SLF1: variants seen among roughly 807,000 people sequenced by gnomAD.
SLF1 encodes the protein SMC5-SMC6 complex localization factor protein 1.
Under a neutral mutation model 123.0 loss-of-function variants are expected in SLF1, and 105 were observed. The ratio of observed to expected loss-of-function variants is 0.85; its 90% CI spans 0.73 to 1.00. The LOEUF (loss-of-function observed/expected upper bound fraction) is 1.00, where lower values mean the gene tolerates loss of function less well. SLF1 is among the 50% of genes least tolerant of loss of function. The probability of loss-of-function intolerance (pLI) is 0.00; values close to 1 mark genes in which losing one functional copy is unlikely to be tolerated. For synonymous variants in SLF1, 434 were observed against 406.6 expected, an observed-to-expected ratio of 1.07 and a Z score of -0.81; for missense variants, 1,239 against 1,223.0, an observed-to-expected ratio of 1.01 and a Z score of -0.20.
intron 4 of SLF1, among the ~76,000 whole-genome samples, chr5:94,637,106 G>A (rs532852168): frequency 2.0e-5 from 3 of 152,256 alleles, no homozygotes; most frequent in African/African-American, 7.2e-5. Context: ...TTGGAGCTTT[G>A]TTAATTTCTT....
At position 94,639,037 on chromosome 5, in the gene SLF1, C is replaced by CTTTTTTTTTTTTTTTTTT. The variant is rs764031689; in HGVS notation, c.432-4232_432-4215dup. Among the ~76,000 whole-genome samples, 19 of 88,958 alleles carry CTTTTTTTTTTTTTTTTTT rather than the reference C, an allele frequency of 2.1e-4. 1 individual carries two copies. The highest frequency in any genetic ancestry group is 2.5e-4 in the African/African-American group (5 of 20,268). The allele number at this position is 88,958 out of a possible 152,430, so 58.4% of individuals were successfully genotyped here. A position where few individuals can be genotyped will look rare whatever the true frequency, so the allele number is the denominator to read the frequency against. On this transcript the variant is annotated intron_variant, in intron 4 of 20. Coordinates refer to ENST00000265140, the MANE Select transcript of SLF1 (RefSeq NM_032290.4). ...TTTCTCATCTCTTTTCTTTTCTTCC[C>CTTTTTTTTTTTTTTTTTT]TTTTTTTTTTTTTTTTTTTTTGAGA...
chr5:94,625,272 G>C (rs1441491415), intron 1 of SLF1, among the ~76,000 whole-genome samples: 1 of 151,654 alleles, frequency 6.6e-6, no homozygotes, highest in African/African-American at 2.4e-5. Context: ...AAACCAATTA[G>C]ATAAAAACAA....
At position 94,691,549 on chromosome 5, in the gene SLF1, A is replaced by G. The variant is rs1443103856; in HGVS notation, c.2420-15A>G. On this transcript the variant is annotated splice_polypyrimidine_tract_variant and intron_variant, in intron 18 of 20. Coordinates refer to ENST00000265140, the MANE Select transcript of SLF1 (RefSeq NM_032290.4). ...CTTGTCTTCTCTGGAATAATCTATTAATTTTTTATGGCAGGAGAAACAGCC... is the reference window on the plus strand; with the variant it reads ...CTTGTCTTCTCTGGAATAATCTATTGATTTTTTATGGCAGGAGAAACAGCC... 2 of 1,597,522 alleles carry G rather than the reference A, an allele frequency of 1.3e-6. No individual in the cohort carries two copies. The highest frequency in any genetic ancestry group is 1.1e-5 in the South Asian group (1 of 89,252).
At position 94,695,324 on chromosome 5, in the gene SLF1, A is replaced by G; in HGVS notation, c.*12A>G. On this transcript the variant is annotated 3_prime_UTR_variant, in exon 21 of 21. Coordinates refer to ENST00000265140, the MANE Select transcript of SLF1 (RefSeq NM_032290.4). Reference sequence around the variant, plus strand: ...TGGAGTTTTCATGATGATGCTAGAAAGTATGGATTGACTTTCTAAATCTGT... The same window carrying G: ...TGGAGTTTTCATGATGATGCTAGAAGGTATGGATTGACTTTCTAAATCTGT... The G allele has an allele frequency of 6.3e-7, 1 of 1,591,338 alleles. No homozygotes were observed. The highest frequency in any genetic ancestry group is 8.6e-7 in the Non-Finnish European group (1 of 1,167,882).
intron 4 of SLF1, 129 bp from the exon 5 acceptor site, chr5:94,643,144 A>C (rs1314265507): frequency 1.6e-6 from 1 of 607,464 alleles, no homozygotes; most frequent in Admixed American, 3.7e-5. Flanking sequence ...TGTGATCCTC[A>C]ATTGCCCAAA....
chr5:94,652,780 G>A (rs66483218), intron 7 of SLF1, among the ~76,000 whole-genome samples: 33,880 of 152,022 alleles, frequency 0.22, 3,903 homozygotes, highest in East Asian at 0.35. Flanking sequence ...GGCAGTGTCC[G>A]ACTTTTTTCA....
chr5:94,693,327 C>A (rs1372344192), intron 20 of SLF1, among the ~76,000 whole-genome samples: 1 of 151,912 alleles, frequency 6.6e-6, no homozygotes, highest in African/African-American at 2.4e-5. Context: ...GTTTACTAAA[C>A]CATAAGTTCT....
At chr5:94,672,657 A>C (rs1217168997) in intron 14 of SLF1, among the ~76,000 whole-genome samples, 7 of 152,002 alleles carry the variant, frequency 4.6e-5, no homozygotes, top group Admixed American at 3.3e-4. Context: ...TTTTCCAGTT[A>C]AAAGACTTTT....
intron 15 of SLF1, among the ~76,000 whole-genome samples, chr5:94,684,485 T>G (rs1752158132): frequency 6.6e-6 from 1 of 151,766 alleles, no homozygotes; most frequent in Admixed American, 6.6e-5. Flanking sequence ...GATCACAAGG[T>G]CAGGAGATTG....
chr5:94,634,961 G>C (rs202141878), intron 4 of SLF1, among the ~76,000 whole-genome samples: 18 of 152,118 alleles, frequency 1.2e-4, no homozygotes, highest in Non-Finnish European at 1.6e-4. Context: ...CATATGGCTT[G>C]AAAATATTAT....
intron 14 of SLF1, among the ~76,000 whole-genome samples, chr5:94,677,924 CT>C (rs5869635): frequency 0.52 from 74,825 of 145,156 alleles, 19,134 homozygotes; most frequent in African/African-American, 0.63. Flanking sequence ...AAATGATATA[CT>C]TTTTTTTTTT....
At chr5:94,639,037 C>CTTTTTTTTTTTTTTTT (rs764031689) in intron 4 of SLF1, among the ~76,000 whole-genome samples, 6 of 88,970 alleles carry the variant, frequency 6.7e-5, no homozygotes, top group Admixed American at 1.4e-4. Flanking sequence ...CTTTTCTTCC[C>CTTTTTTTTTTTTTTTT]TTTTTTTTTT....
chr5:94,648,082 C>T (rs565681066), intron 5 of SLF1, among the ~76,000 whole-genome samples: 2 of 152,204 alleles, frequency 1.3e-5, no homozygotes, highest in South Asian at 4.1e-4. Context: ...AGGACCTAAG[C>T]CTATGGATTT....
intron 12 of SLF1, 90 bp downstream of exon 12, chr5:94,666,114 T>C: frequency 7.8e-7 from 1 of 1,276,938 alleles, no homozygotes; most frequent in East Asian, 2.6e-5. Context: ...AGAAGTATCT[T>C]TCTACTTTTG....
intron 15 of SLF1, among the ~76,000 whole-genome samples, chr5:94,684,482 A>G (rs1585227685): frequency 6.6e-6 from 1 of 152,080 alleles, no homozygotes; most frequent in East Asian, 1.9e-4. Context: ...GCAGATCACA[A>G]GGTCAGGAGA....
intron 15 of SLF1, among the ~76,000 whole-genome samples, chr5:94,682,092 A>G (rs1278196304): frequency 6.6e-6 from 1 of 152,218 alleles, no homozygotes; most frequent in Non-Finnish European, 1.5e-5. Flanking sequence ...GCTTAAAAAC[A>G]CTTTTCAATA....
chr5:94,694,446 A>T (rs1229855254), intron 20 of SLF1, among the ~76,000 whole-genome samples: 1 of 151,874 alleles, frequency 6.6e-6, no homozygotes, highest in African/African-American at 2.4e-5. Context: ...CCTCTTGGTG[A>T]TATTTTGAGA....
At position 94,653,345 on chromosome 5, in the gene SLF1, A is replaced by G; in HGVS notation, c.956A>G (p.Glu319Gly). The G allele has an allele frequency of 6.5e-7, 1 of 1,530,614 alleles. No individual in the cohort carries two copies. The highest frequency in any genetic ancestry group is 8.8e-7 in the Non-Finnish European group (1 of 1,141,360). 94.8% of individuals were successfully genotyped at this position (1,530,614 alleles called of 1,614,324 possible). Residue 319 changes from glutamate (E) to glycine (G), a missense_variant, in exon 8 of 21, where the codon GAA (glutamate) becomes GGA (glycine). Coordinates refer to ENST00000265140, the MANE Select transcript of SLF1 (RefSeq NM_032290.4). ...AGGAGAAAACGCAAGAAAGGAAAAGAAAGCAATTGCAAGAAAGGCGTTGAA... is the reference window on the plus strand; with the variant it reads ...AGGAGAAAACGCAAGAAAGGAAAAGGAAGCAATTGCAAGAAAGGCGTTGAA... ...TLRRKRKKGK[E>G]SNCKKGVEHE...
At position 94,651,736 on chromosome 5, in the gene SLF1, G is replaced by C. The variant is rs1215804359; in HGVS notation, c.773G>C (p.Gly258Ala). Residue 258 changes from glycine to alanine, a missense_variant, in exon 7 of 21, where the codon GGT becomes GCT. Transcript: ENST00000265140. ...EMQNHEDVNVGSILIQHHKKE... is the reference protein window; with the variant it reads ...EMQNHEDVNVASILIQHHKKE... Reference sequence around the variant, plus strand: ...CAAAATCATGAAGATGTTAATGTTGGTTCTATTTTGATTCAACATCACAAA... The same window carrying C: ...CAAAATCATGAAGATGTTAATGTTGCTTCTATTTTGATTCAACATCACAAA... The C allele has an allele frequency of 6.6e-7, 1 of 1,519,388 alleles. No individual in the cohort carries two copies. Among genetic ancestry groups the C allele is most frequent in the South Asian group, 1.3e-5 (1 of 77,396 alleles). 94.1% of individuals were successfully genotyped at this position (1,519,388 alleles called of 1,614,324 possible).
Sources: allele counts gnomAD v4.1 joint callset (sites outside exome capture counted in the v4.1 genomes callset), GRCh38; gene constraint gnomAD v4.1.1; transcripts MANE v1.5; gene names NCBI Gene and HGNC (gene_info 2026-07-23, HGNC 2026-07-21).